The following CTCFL variants were observed in gnomAD, a reference collection of about 807,000 sequenced individuals.
The protein encoded by CTCFL is transcriptional repressor CTCFL.
A neutral mutation model predicts 67.4 loss-of-function variants in CTCFL; 36 were observed. The ratio of observed to expected loss-of-function variants is 0.53; its 90% CI spans 0.41 to 0.71. The LOEUF is 0.71. Ranked by LOEUF, CTCFL falls within the 30% of genes least tolerant of loss-of-function variation. The probability of loss-of-function intolerance (pLI) is 0.00; values close to 1 mark genes in which losing one functional copy is unlikely to be tolerated. For missense variants in CTCFL, 786 were observed against 835.2 expected, an observed-to-expected ratio of 0.94 and a Z score of 0.73; for synonymous variants, 324 against 302.3, an observed-to-expected ratio of 1.07 and a Z score of -0.75.
intron 3 of CTCFL, among the ~76,000 whole-genome samples, chr20:57,520,671 A>G (rs944495984): frequency 1.3e-5 from 2 of 152,356 alleles, no homozygotes; most frequent in African/African-American, 4.8e-5. Flanking sequence ...GAAAAAAACA[A>G]CAACACAAGA....
Position 57,523,145 on chromosome 20 carries a change from T to C in CTCFL, c.677A>G (p.Glu226Gly), listed in dbSNP as rs747561937. ...VLTVSNSNVE[E>G]QEDQPTAGQA... ...ACCAGCTGTAGGTTGATCCTCTTGTTCTTCCACATTTGAATTTGAAACTGT... is the reference window on the plus strand; with the variant it reads ...ACCAGCTGTAGGTTGATCCTCTTGTCCTTCCACATTTGAATTTGAAACTGT... Residue 226 changes from glutamate (E) to glycine (G), a missense_variant, in exon 3 of 11, where the codon GAA becomes GGA. Glu to Gly is a moderately conservative substitution (Grantham distance 98). Coordinates refer to ENST00000243914, the MANE Select transcript of CTCFL (RefSeq NM_001386993.1). 1 of 1,614,080 alleles carries C rather than the reference T, an allele frequency of 6.2e-7. No individual in the cohort carries two copies. The highest frequency in any genetic ancestry group is 8.5e-7 in the Non-Finnish European group (1 of 1,180,034).
At chr20:57,502,194 A>G (rs1228674835) in intron 10 of CTCFL, among the ~76,000 whole-genome samples, 1 of 152,080 alleles carries the variant, frequency 6.6e-6, no homozygotes, top group Non-Finnish European at 1.5e-5. Flanking sequence ...ACCCAGGCTT[A>G]GGGCTTTGCC....
chr20:57,513,511 T>A, intron 7 of CTCFL: 1 of 1,037,718 alleles, frequency 9.6e-7, no homozygotes, highest in Non-Finnish European at 1.2e-6. Flanking sequence ...CTTATAGGGC[T>A]ATGTGGAGTG....
In CTCFL at chr20:57,523,830, G is replaced by A; in HGVS notation, c.376C>T (p.Pro126Ser). ...GPGLLWLEEG[P>S]RQSLQQCVAI... The stretch of plus-strand genomic sequence containing the variant: ...ACACACTGCTGCAGGCTCTGCCGGG[G>A]CCCTTCCTCAAGCCACAGCAACCCA... Residue 126 changes from proline to serine, a missense_variant, in exon 2 of 11, where the codon CCC (proline) becomes TCC (serine). Physicochemically the swap from Pro to Ser is moderately conservative, Grantham distance 74. Around this residue, in one of 3 missense-constraint regions of CTCFL, gnomAD observed 333 missense variants for 304.6 expected, o/e 1.09. Coordinates refer to ENST00000243914, the MANE Select transcript of CTCFL (RefSeq NM_001386993.1). The A allele has an allele frequency of 6.2e-7, 1 of 1,613,064 alleles. No individual in the cohort carries two copies. The highest frequency in any genetic ancestry group is 8.5e-7 in the Non-Finnish European group (1 of 1,180,042).
intron 9 of CTCFL, among the ~76,000 whole-genome samples, chr20:57,504,258 G>C (rs965041894): frequency 6.7e-6 from 1 of 148,220 alleles, no homozygotes; most frequent in South Asian, 2.1e-4. Context: ...TTACAGGCAT[G>C]AGCCACTGCA....
At chr20:57,512,554 T>C (rs1480370002) in intron 8 of CTCFL, 38 bp downstream of exon 8, 1 of 1,603,002 alleles carries the variant, frequency 6.2e-7, no homozygotes, top group Non-Finnish European at 8.5e-7. Flanking sequence ...CATTCTTCCA[T>C]ACACCACTGC....
chr20:57,516,441 G>A (rs2068930019), intron 5 of CTCFL, among the ~76,000 whole-genome samples: 1 of 152,158 alleles, frequency 6.6e-6, no homozygotes, highest in South Asian at 2.1e-4. Context: ...AGAGGCTGAG[G>A]TGGCAGGACT....
chr20:57,524,450 C>G, intron 1 of CTCFL: 1 of 1,345,576 alleles, frequency 7.4e-7, no homozygotes, highest in Non-Finnish European at 9.5e-7. Context: ...CTAGAACGAA[C>G]AGGTTTGGGC....
Position 57,498,665 on chromosome 20 carries a change from TCTC to T in CTCFL, c.1874_1876del (p.Gly625del). On this transcript the variant is annotated inframe_deletion, in exon 11 of 11. Transcript: ENST00000243914. ...AGGAAACATCTCTCCTGGGAACTGT[TCTC>T]CCTTCGTGGTGGAAGCCTCCTCAGC... 6.2e-7 allele frequency: 1 copy of T among 1,614,022 alleles called. No homozygotes were observed.
At chr20:57,525,209 T>TGGGGGAGGGGGTGATGTACTGTG (rs2069789512), upstream of CTCFL, 1 of 84,952 alleles carries the variant, frequency 1.2e-5, no homozygotes, top group Non-Finnish European at 2.4e-5. Flanking sequence ...CAGGCAGGGT[T>TGGGGGAGGGGGTGATGTACTGTG]GGGGGAGGGG....
At chr20:57,515,887 G>A in intron 5 of CTCFL, 53 bp from the exon 6 acceptor site, 1 of 1,558,126 alleles carries the variant, frequency 6.4e-7, no homozygotes, top group Non-Finnish European at 8.7e-7. Context: ...AAATGGCAGA[G>A]TCTTCCATTA....
In CTCFL at chr20:57,497,539, A is replaced by T. The variant is rs1431227537; in HGVS notation, c.*1011T>A. 1 of 985,354 alleles carries T rather than the reference A, an allele frequency of 1.0e-6. No individual in the cohort carries two copies. The highest frequency in any genetic ancestry group is 1.2e-6 in the Non-Finnish European group (1 of 829,940). The allele number at this position is 985,354 out of a possible 1,614,324, so 61.0% of individuals were successfully genotyped here. On this transcript the variant is annotated 3_prime_UTR_variant, in exon 11 of 11. Coordinates refer to ENST00000243914, the MANE Select transcript of CTCFL (RefSeq NM_001386993.1). ...GCAATGAAGAAAAATCTGCCTCTGT[A>T]TCCAGATAGAAATGAATTTCAAGTG...
At position 57,515,901 on chromosome 20, in the gene CTCFL, A is replaced by G. The variant is rs946310207; in HGVS notation, c.1060-67T>C. The G allele has an allele frequency of 1.5e-5, 22 of 1,511,210 alleles. No homozygotes were observed. In the African/African-American group the frequency reaches 2.8e-4, roughly 19 times the overall value. The allele number at this position is 1,511,210 out of a possible 1,614,324, so 93.6% of individuals were successfully genotyped here. Reference sequence around the variant, plus strand: ...AAAATGGCAGAGTCTTCCATTAATCAGCATTGTAAAAGAGATTTAAATTAA... The same window carrying G: ...AAAATGGCAGAGTCTTCCATTAATCGGCATTGTAAAAGAGATTTAAATTAA... On this transcript the variant is annotated intron_variant, in intron 5 of 10. Transcript: ENST00000243914.
At chr20:57,514,490 C>A in intron 7 of CTCFL, 102 bp downstream of exon 7, 1 of 1,386,318 alleles carries the variant, frequency 7.2e-7, no homozygotes, top group Non-Finnish European at 9.9e-7. Flanking sequence ...TCCCGAAGAC[C>A]GGGCCTCCCA....
chr20:57,499,810 C>T (rs534299496), intron 10 of CTCFL: 433 of 216,072 alleles, frequency 2.0e-3, no homozygotes, highest in Middle Eastern at 4.5e-3. Context: ...TCTAACGCTG[C>T]CGCTGATCTG....
intron 5 of CTCFL, 29 bp downstream of exon 5, chr20:57,518,729 T>C (rs2069114196): frequency 1.2e-6 from 2 of 1,614,126 alleles, no homozygotes; most frequent in East Asian, 4.5e-5. Context: ...TAAGATGCCA[T>C]GAAGCTTCAA....
chr20:57,516,597 A>G (rs943767635), intron 5 of CTCFL, among the ~76,000 whole-genome samples: 3 of 152,176 alleles, frequency 2.0e-5, no homozygotes, highest in African/African-American at 7.2e-5. Flanking sequence ...GAACATCTGT[A>G]TGTCTTGCCT....
At chr20:57,518,440 A>C in intron 5 of CTCFL, 1 of 1,140,964 alleles carries the variant, frequency 8.8e-7, no homozygotes, top group Non-Finnish European at 1.2e-6. Flanking sequence ...ATACATTTTG[A>C]TTTTGTGGCC....
chr20:57,503,985 G>A (rs1286154799), intron 9 of CTCFL, among the ~76,000 whole-genome samples: 3 of 151,850 alleles, frequency 2.0e-5, no homozygotes, highest in Non-Finnish European at 4.4e-5. Context: ...CAATAGCCAA[G>A]GAAGCTACAC....
Sources: allele counts gnomAD v4.1 joint callset (sites outside exome capture counted in the v4.1 genomes callset), GRCh38; gene constraint gnomAD v4.1.1; regional missense constraint gnomAD v4.1.1; transcripts MANE v1.5; gene names NCBI Gene and HGNC (gene_info 2026-07-23, HGNC 2026-07-21).